Variants in NTRK3 observed in about 807,000 individuals in gnomAD.
NTRK3 encodes neurotrophic receptor tyrosine kinase 3, also known as NT-3 growth factor receptor.
NTRK3 carries 24 observed loss-of-function variants against 91.7 expected under a neutral mutation model. That is an observed-to-expected ratio of 0.26 (90% CI 0.19 to 0.37). The LOEUF is 0.37. Among genes scored for constraint, NTRK3 ranks in the 10% least tolerant of loss-of-function variants. The pLI is 1.00. For missense variants in NTRK3, 880 were observed against 1,068.9 expected, an observed-to-expected ratio of 0.82 and a Z score of 2.46; for synonymous variants, 483 against 404.0, an observed-to-expected ratio of 1.20 and a Z score of -2.34.
chr15:88,072,272 G>A (rs145826843), intron 13 of NTRK3, among the ~76,000 whole-genome samples: 76 of 152,126 alleles, frequency 5.0e-4, no homozygotes, highest in African/African-American at 1.8e-3. Flanking sequence ...CCAAAGTGCT[G>A]GGATTACAGG....
At chr15:88,020,072 T>G (rs1753943034) in intron 14 of NTRK3, among the ~76,000 whole-genome samples, 1 of 152,150 alleles carries the variant, frequency 6.6e-6, no homozygotes, top group Non-Finnish European at 1.5e-5. Context: ...AAGCCCTAAC[T>G]TCGGAGGGGA....
chr15:88,224,869 C>T (rs1169896941), intron 3 of NTRK3, among the ~76,000 whole-genome samples: 1 of 152,212 alleles, frequency 6.6e-6, no homozygotes, highest in Non-Finnish European at 1.5e-5. Context: ...GCACAAGGCC[C>T]TCACTCTTGG....
At chr15:88,118,563 G>A (rs1353470736) in intron 13 of NTRK3, among the ~76,000 whole-genome samples, 1 of 152,130 alleles carries the variant, frequency 6.6e-6, no homozygotes, top group African/African-American at 2.4e-5. Context: ...GATTTTTGGT[G>A]AAAAATAAAT....
At chr15:87,893,551 A>C (rs1227715825) in intron 17 of NTRK3, among the ~76,000 whole-genome samples, 1 of 152,192 alleles carries the variant, frequency 6.6e-6, no homozygotes, top group African/African-American at 2.4e-5. Flanking sequence ...TGTCTTGCTC[A>C]TTTCCATTGA....
At chr15:88,171,565 G>T (rs1005426981) in intron 5 of NTRK3, among the ~76,000 whole-genome samples, 6 of 152,164 alleles carry the variant, frequency 3.9e-5, no homozygotes, top group South Asian at 4.1e-4. Flanking sequence ...CCAAGGTGTG[G>T]GACATGCCAT....
chr15:87,876,640 C>CTG (rs2064958399), exon 19 of NTRK3: 9 of 214,732 alleles, frequency 4.2e-5, no homozygotes, highest in Non-Finnish European at 8.4e-5. Context: ...TTGTGGTTTT[C>CTG]TGTATCAGCA....
chr15:88,189,506 G>T (rs1452353407), intron 3 of NTRK3, among the ~76,000 whole-genome samples: 1 of 151,676 alleles, frequency 6.6e-6, no homozygotes, highest in Non-Finnish European at 1.5e-5. Flanking sequence ...TCTGCAGTGG[G>T]GTGCAATGGC....
intron 3 of NTRK3, among the ~76,000 whole-genome samples, chr15:88,197,324 C>G (rs975327926): frequency 2.0e-5 from 3 of 152,114 alleles, no homozygotes; most frequent in African/African-American, 7.2e-5. Flanking sequence ...CTATCTTAGA[C>G]AGCCTCATGC....
chr15:87,862,785 A>C (rs576240949), exon 19 of NTRK3: 1 of 229,504 alleles, frequency 4.4e-6, no homozygotes, highest in East Asian at 6.2e-5. Flanking sequence ...TTAAGGCAAA[A>C]ACAGCTGTTA....
chr15:87,952,745 G>T (rs1274563854), intron 14 of NTRK3, among the ~76,000 whole-genome samples: 1 of 152,124 alleles, frequency 6.6e-6, no homozygotes, highest in Non-Finnish European at 1.5e-5. Flanking sequence ...GACTGTCCGG[G>T]AGTCCCGAGA....
intron 3 of NTRK3, among the ~76,000 whole-genome samples, chr15:88,223,007 G>A (rs868232722): frequency 1.4e-4 from 22 of 152,208 alleles, no homozygotes; most frequent in Non-Finnish European, 2.6e-4. Context: ...AGTGGGGAGA[G>A]GAGGGAGAGG....
intron 13 of NTRK3, among the ~76,000 whole-genome samples, chr15:88,053,921 G>A (rs766561291): frequency 9.9e-5 from 15 of 152,126 alleles, no homozygotes; most frequent in Non-Finnish European, 1.5e-4. Context: ...ACCAGGCTCT[G>A]AAAAAAGGTA....
At chr15:88,067,359 A>C (rs2046739873) in intron 13 of NTRK3, among the ~76,000 whole-genome samples, 1 of 152,174 alleles carries the variant, frequency 6.6e-6, no homozygotes, top group South Asian at 2.1e-4. Context: ...TCTGGTATCT[A>C]TTTAGATAGA....
chr15:88,062,319 T>C (rs1025167189), intron 13 of NTRK3, among the ~76,000 whole-genome samples: 1 of 152,242 alleles, frequency 6.6e-6, no homozygotes, highest in Non-Finnish European at 1.5e-5. Flanking sequence ...GATAACAGTT[T>C]CTGGCATTGA....
chr15:87,940,937 C>T (rs2069780293), intron 14 of NTRK3, among the ~76,000 whole-genome samples, 184 bp from the exon 15 acceptor site: 1 of 152,130 alleles, frequency 6.6e-6, no homozygotes. Context: ...AGAGTATGGG[C>T]CAGAATCAAA....
At chr15:88,142,439 C>T (rs137855641) in intron 6 of NTRK3, among the ~76,000 whole-genome samples, 206 of 152,366 alleles carry the variant, frequency 1.4e-3, no homozygotes, top group African/African-American at 4.8e-3. Context: ...TTTGTAAGGA[C>T]AGGCACTTTG....
intron 10 of NTRK3, 26 bp from the exon 11 acceptor site, chr15:88,128,760 T>C (rs1301439097): frequency 1.2e-6 from 2 of 1,609,028 alleles, no homozygotes; most frequent in South Asian, 2.2e-5. Context: ...AAAGAGATAA[T>C]TAACAAATTT....
rs1322578770 is a variant in NTRK3 at position 88,184,214 on chromosome 15, G to A, written c.323+11C>T. The stretch of plus-strand genomic sequence containing the variant: ...ACAGGGAAAGGCCTCTCTGTGGCCG[G>A]GTGTACTCACAGCTTTTGAAGTCCG... On this transcript the variant is annotated intron_variant, in intron 4 of 18. Coordinates refer to ENST00000394480, the Ensembl canonical transcript of NTRK3. The A allele has an allele frequency of 3.7e-6, 6 of 1,613,766 alleles. No individual in the cohort carries two copies. The highest frequency in any genetic ancestry group is 5.1e-6 in the Non-Finnish European group (6 of 1,179,866).
chr15:87,956,567 C>T (rs538182092), intron 14 of NTRK3, among the ~76,000 whole-genome samples: 11 of 151,284 alleles, frequency 7.3e-5, no homozygotes, highest in African/African-American at 2.4e-4. Flanking sequence ...AGCCACAATG[C>T]CCGGCCTTTT....
Sources: gnomAD v4.1 joint callset for allele counts (sites outside exome capture counted in the v4.1 genomes callset) on GRCh38, gnomAD v4.1.1 for gene constraint, MANE v1.5 for transcripts, NCBI Gene and HGNC (gene_info 2026-07-23, HGNC 2026-07-21) for gene names.